Variants in BLTP1 observed in about 807,000 individuals in gnomAD.
The protein encoded by BLTP1 is fragile site-associated protein.
At chr4:122,293,123 A>G in the BLTP1 span, 1 of 965,952 alleles carries the variant, frequency 1.0e-6, no homozygotes, top group Non-Finnish European at 1.2e-6. Context: ...TATAGAGGAT[A>G]TGATGCACTT....
At chr4:122,259,312 C>G in the BLTP1 span, among the ~76,000 whole-genome samples, 1 of 152,106 alleles carries the variant, frequency 6.6e-6, no homozygotes, top group African/African-American at 2.4e-5. Flanking sequence ...GAAACCTGCC[C>G]CGCCACTTAG....
the BLTP1 span, chr4:122,258,906 C>T: frequency 9.7e-7 from 1 of 1,027,794 alleles, no homozygotes; most frequent in Non-Finnish European, 1.4e-6. Context: ...AAAATTTTAT[C>T]TCAAATTTAA....
At chr4:122,254,448 A>AAG in the BLTP1 span, 1 of 1,299,952 alleles carries the variant, frequency 7.7e-7, no homozygotes, top group Non-Finnish European at 1.0e-6. Context: ...TCTGGTATAT[A>AAG]TAGTATTAAG....
chr4:122,286,816 C>T, the BLTP1 span: 11 of 1,579,272 alleles, frequency 7.0e-6, no homozygotes, highest in South Asian at 2.3e-5. Flanking sequence ...TCTTACTCTT[C>T]GTAATTTAGG....
chr4:122,302,175 T>C, the BLTP1 span: 1 of 528,696 alleles, frequency 1.9e-6, no homozygotes, highest in Non-Finnish European at 2.4e-6. Context: ...ATGTATTCAA[T>C]CCATTGAATA....
the BLTP1 span, chr4:122,197,977 A>C: frequency 6.1e-6 from 6 of 984,902 alleles, no homozygotes; most frequent in Admixed American, 6.2e-5. Context: ...AAGAGTAGCA[A>C]CTTACCCACA....
At chr4:122,228,910 GCTTA>G in the BLTP1 span, among the ~76,000 whole-genome samples, 2 of 152,102 alleles carry the variant, frequency 1.3e-5, no homozygotes, top group Non-Finnish European at 2.9e-5. Flanking sequence ...AATGGTGCAT[GCTTA>G]CTTATTGTTT....
At chr4:122,312,758 A>G in the BLTP1 span, 13 of 713,718 alleles carry the variant, frequency 1.8e-5, no homozygotes, top group Non-Finnish European at 2.1e-5. Flanking sequence ...AAATTTTTCA[A>G]AGACAGAAAT....
chr4:122,190,131 C>T, the BLTP1 span: 1 of 1,606,200 alleles, frequency 6.2e-7, no homozygotes, highest in African/African-American at 1.3e-5. Flanking sequence ...GAGTGAGACT[C>T]TGTCACACAG....
At chr4:122,193,988 A>G in the BLTP1 span, among the ~76,000 whole-genome samples, 1 of 151,218 alleles carries the variant, frequency 6.6e-6, no homozygotes, top group Non-Finnish European at 1.5e-5. Context: ...TCAGCCTCCC[A>G]AGTAGCTGGG....
chr4:122,154,882 A>G, the BLTP1 span: 1 of 844,828 alleles, frequency 1.2e-6, no homozygotes, highest in Non-Finnish European at 1.4e-6. Flanking sequence ...AAAAAACAAA[A>G]ATTGAGAAAA....
At chr4:122,250,556 T>C in the BLTP1 span, 1 of 1,613,686 alleles carries the variant, frequency 6.2e-7, no homozygotes, top group Non-Finnish European at 8.5e-7. Context: ...AAATGGAAAT[T>C]CTGTTTCAGA....
At chr4:122,255,981 T>G in the BLTP1 span, 2 of 857,536 alleles carry the variant, frequency 2.3e-6, no homozygotes, top group Non-Finnish European at 2.8e-6. Flanking sequence ...ACATACAGTT[T>G]GATGAAACAG....
chr4:122,247,955 G>A, the BLTP1 span: 6 of 984,914 alleles, frequency 6.1e-6, no homozygotes, highest in Middle Eastern at 5.2e-4. Context: ...TTTGCTAATC[G>A]TATTTGAGAT....
chr4:122,207,710 ACT>A, the BLTP1 span: 1 of 1,269,896 alleles, frequency 7.9e-7, no homozygotes, highest in Non-Finnish European at 1.1e-6. Context: ...GCTTATCTTC[ACT>A]CTCTTCTCCC....
the BLTP1 span, among the ~76,000 whole-genome samples, chr4:122,170,899 G>A: frequency 3.3e-5 from 5 of 152,038 alleles, no homozygotes; most frequent in African/African-American, 1.2e-4. Flanking sequence ...TTGAACATTT[G>A]TTCTGGAAAC....
the BLTP1 span, chr4:122,359,349 T>C: frequency 1.0e-6 from 1 of 959,372 alleles, no homozygotes; most frequent in Non-Finnish European, 1.2e-6. Flanking sequence ...ATCTCAGCAT[T>C]TTTTATCATT....
At chr4:122,290,999 G>T in the BLTP1 span, 1 of 790,380 alleles carries the variant, frequency 1.3e-6, no homozygotes, top group African/African-American at 1.9e-5. Flanking sequence ...CAGACTGTCA[G>T]GGTAAGCCTC....
the BLTP1 span, among the ~76,000 whole-genome samples, chr4:122,297,415 C>T: frequency 2.0e-5 from 3 of 152,022 alleles, no homozygotes; most frequent in South Asian, 4.2e-4. Flanking sequence ...CAGATGCTGG[C>T]GAAGTTGCAG....
Sources: gnomAD v4.1 joint callset for allele counts (sites outside exome capture counted in the v4.1 genomes callset) on GRCh38, gnomAD v4.1.1 for gene constraint, MANE v1.5 for transcripts, NCBI Gene and HGNC (gene_info 2026-07-23, HGNC 2026-07-21) for gene names.